KANSL1: variants seen among roughly 807,000 people sequenced by gnomAD.
KANSL1 encodes the protein MLL1/MLL complex subunit KANSL1.
Under a neutral mutation model 103.6 loss-of-function variants are expected in KANSL1, and 22 were observed. The ratio of observed to expected loss-of-function variants is 0.21; its 90% confidence interval spans 0.15 to 0.30. The LOEUF (loss-of-function observed/expected upper bound fraction) is 0.30, where lower values mean the gene tolerates loss of function less well. KANSL1 is among the 10% of genes least tolerant of loss of function. KANSL1 has a pLI of 1.00. For missense variants in KANSL1, 1,337 were observed against 1,399.8 expected (o/e 0.96, Z 0.72); for synonymous variants, 600 against 527.6 (o/e 1.14, Z -1.88).
chr17:46,135,342 T>G (rs532404373), intron 2 of KANSL1, among the ~76,000 whole-genome samples: 1 of 149,352 alleles, frequency 6.7e-6, no homozygotes, highest in South Asian at 2.1e-4. Context: ...TTCACTGCAC[T>G]GGTCTCTCTG....
intron 6 of KANSL1, among the ~76,000 whole-genome samples, chr17:46,053,779 T>C (rs1026641899): frequency 1.3e-5 from 2 of 152,140 alleles, no homozygotes; most frequent in African/African-American, 4.8e-5. Context: ...TGGAAAATTT[T>C]TGAAAGAAAA....
At chr17:46,075,219 GTTCAATGTTAAT>G (rs1394660312) in intron 4 of KANSL1, among the ~76,000 whole-genome samples, 2 of 152,188 alleles carry the variant, frequency 1.3e-5, no homozygotes, top group South Asian at 2.1e-4. Flanking sequence ...CTTTGTATAA[GTTCAATGTTAAT>G]TTCAATGTTA....
intron 3 of KANSL1, among the ~76,000 whole-genome samples, chr17:46,089,461 TC>T (rs1309771212): frequency 1.4e-5 from 2 of 145,938 alleles, no homozygotes; most frequent in Non-Finnish European, 3.0e-5. Flanking sequence ...ACAAAGTAAA[TC>T]CTTAAAAAGA....
intron 2 of KANSL1, among the ~76,000 whole-genome samples, chr17:46,132,259 C>A (rs2043899731): frequency 6.6e-6 from 1 of 152,220 alleles, no homozygotes; most frequent in Non-Finnish European, 1.5e-5. Context: ...TGACTTTCAA[C>A]AATTTACCCA....
chr17:46,077,848 G>A (rs1452398605), intron 4 of KANSL1, among the ~76,000 whole-genome samples: 3 of 152,096 alleles, frequency 2.0e-5, no homozygotes, highest in South Asian at 4.1e-4. Context: ...ATGAGCCACC[G>A]TGCTCGGCCT....
intron 1 of KANSL1, among the ~76,000 whole-genome samples, chr17:46,211,556 T>C (rs2048171389): frequency 6.6e-6 from 1 of 152,216 alleles, no homozygotes; most frequent in Non-Finnish European, 1.5e-5. Context: ...CAAATCACAG[T>C]GTAGTTATAA....
chr17:46,135,665 G>A (rs984720284), intron 2 of KANSL1, among the ~76,000 whole-genome samples: 23 of 148,134 alleles, frequency 1.6e-4, no homozygotes, highest in Non-Finnish European at 3.1e-4. Context: ...CCAAGTAGCT[G>A]GGACTACAGG....
intron 13 of KANSL1, 83 bp downstream of exon 13, chr17:46,032,997 C>G: frequency 9.6e-7 from 1 of 1,038,638 alleles, no homozygotes; most frequent in East Asian, 2.6e-5. Flanking sequence ...GAGGCAGTAG[C>G]AATTCCATGG....
intron 2 of KANSL1, among the ~76,000 whole-genome samples, chr17:46,141,149 G>C (rs141715682): frequency 4.8e-4 from 73 of 151,696 alleles, no homozygotes; most frequent in African/African-American, 1.7e-3. Context: ...AGTTATGTAA[G>C]AACTAAACAT....
At chr17:46,047,616 T>A (rs2077557571) in intron 7 of KANSL1, among the ~76,000 whole-genome samples, 1 of 151,822 alleles carries the variant, frequency 6.6e-6, no homozygotes, top group Non-Finnish European at 1.5e-5. Context: ...AGACCCCATC[T>A]TTGTAGGGGG....
intron 3 of KANSL1, among the ~76,000 whole-genome samples, chr17:46,090,000 A>C (rs10775404): frequency 0.16 from 23,608 of 152,000 alleles, 2,663 homozygotes; most frequent in East Asian, 0.42. Context: ...GAACCTGTGA[A>C]TATGACCTTG....
At chr17:46,125,026 G>GGTAGGGA (rs1476804964) in intron 2 of KANSL1, among the ~76,000 whole-genome samples, 1 of 83,588 alleles carries the variant, frequency 1.2e-5, no homozygotes, top group Non-Finnish European at 2.9e-5. Context: ...AGGGAAGGGA[G>GGTAGGGA]GGGAGGTAGG....
intron 2 of KANSL1, among the ~76,000 whole-genome samples, chr17:46,120,518 G>A (rs1481278902): frequency 6.6e-6 from 1 of 152,154 alleles, no homozygotes; most frequent in African/African-American, 2.4e-5. Flanking sequence ...GTGGGAGCGA[G>A]GGGCAAGTCA....
chr17:46,116,366 T>C (rs2043048024), intron 2 of KANSL1, among the ~76,000 whole-genome samples: 1 of 152,042 alleles, frequency 6.6e-6, no homozygotes, highest in African/African-American at 2.4e-5. Context: ...CCGTCTCTAC[T>C]AAAAACACAA....
intron 2 of KANSL1, among the ~76,000 whole-genome samples, chr17:46,155,278 T>C (rs1415881736): frequency 4.0e-5 from 6 of 150,780 alleles, no homozygotes; most frequent in African/African-American, 1.5e-4. Flanking sequence ...CTGCCTCAAC[T>C]TCCCAAGTAG....
chr17:46,050,474 T>A, intron 7 of KANSL1, 59 bp downstream of exon 7: 1 of 1,521,184 alleles, frequency 6.6e-7, no homozygotes, highest in Non-Finnish European at 9.0e-7. Context: ...TGATTTTCTT[T>A]CACCTAGAAG....
At chr17:46,158,377 T>TC in intron 2 of KANSL1, among the ~76,000 whole-genome samples, 1 of 152,056 alleles carries the variant, frequency 6.6e-6, no homozygotes, top group Admixed American at 6.5e-5. Flanking sequence ...TTTTTTTTTT[T>TC]TTGAGACAGT....
intron 2 of KANSL1, chr17:46,148,216 T>C (rs2044842912): frequency 6.6e-6 from 1 of 152,236 alleles, no homozygotes; most frequent in Non-Finnish European, 1.5e-5. Flanking sequence ...CATAGTTACA[T>C]GATTCTTCTC....
At chr17:46,190,221 G>C (rs979978176) in intron 1 of KANSL1, among the ~76,000 whole-genome samples, 3 of 152,200 alleles carry the variant, frequency 2.0e-5, no homozygotes, top group African/African-American at 7.2e-5. Context: ...GTTTAGTATA[G>C]TTACTTCACT....
Sources: allele counts gnomAD v4.1 joint callset (sites outside exome capture counted in the v4.1 genomes callset), GRCh38; gene constraint gnomAD v4.1.1; transcripts MANE v1.5; gene names NCBI Gene and HGNC (gene_info 2026-07-23, HGNC 2026-07-21).